DENND4A: variants seen among roughly 807,000 people sequenced by gnomAD.
DENND4A encodes C-myc promoter-binding protein.
In DENND4A, 70 loss-of-function variants were observed where a neutral mutation model predicts 199.3. That is an observed-to-expected ratio of 0.35 (90% CI 0.29 to 0.43). The LOEUF (loss-of-function observed/expected upper bound fraction) is 0.43. Among genes scored for constraint, DENND4A ranks in the 20% least tolerant of loss-of-function variants. The pLI is 1.00. For missense variants in DENND4A, 1,723 were observed against 2,255.8 expected, an observed-to-expected ratio of 0.76 and a Z score of 4.78; for synonymous variants, 686 against 766.9, an observed-to-expected ratio of 0.89 and a Z score of 1.74.
intron 11 of DENND4A, 104 bp downstream of exon 11, chr15:65,728,968 A>G: frequency 8.6e-7 from 1 of 1,161,444 alleles, no homozygotes; most frequent in Non-Finnish European, 1.3e-6. Flanking sequence ...AAGGAAAACA[A>G]TATATCTTAA....
intron 14 of DENND4A, among the ~76,000 whole-genome samples, chr15:65,709,220 G>A (rs755254557): frequency 2.6e-5 from 4 of 152,170 alleles, no homozygotes; most frequent in Non-Finnish European, 4.4e-5. Context: ...TCTTTTTAAA[G>A]TGTTACTGAT....
Position 65,668,138 on chromosome 15 carries a change from AAAG to A in DENND4A, c.4788-18_4788-16del, listed in dbSNP as rs1206490491. On this transcript the variant is annotated splice_polypyrimidine_tract_variant and intron_variant, in intron 27 of 32. Coordinates refer to ENST00000443035, the MANE Select transcript of DENND4A (RefSeq NM_001320835.1). ...GTTTAGATTTGCTTGGGAATTGAAA[AAAG>A]AAGAAAGTGTATCAGTGTCTAGATT... The A allele has an allele frequency of 1.9e-6, 3 of 1,557,024 alleles. No individual in the cohort carries two copies. Among genetic ancestry groups the A allele is most frequent in the South Asian group, 2.4e-5 (2 of 82,834 alleles).
chr15:65,665,807 G>A (rs1484249902), intron 29 of DENND4A, among the ~76,000 whole-genome samples: 1 of 152,156 alleles, frequency 6.6e-6, no homozygotes, highest in Non-Finnish European at 1.5e-5. Flanking sequence ...ATAACGCTGA[G>A]TTCACATCTT....
At chr15:65,695,825 C>T (rs1008551728) in intron 22 of DENND4A, among the ~76,000 whole-genome samples, 27 of 152,010 alleles carry the variant, frequency 1.8e-4, no homozygotes, top group African/African-American at 5.6e-4. Context: ...ATGTGACCTG[C>T]CAATCACTGA....
intron 20 of DENND4A, 148 bp from the exon 21 acceptor site, chr15:65,697,531 C>A: frequency 1.7e-6 from 1 of 583,630 alleles, no homozygotes; most frequent in Non-Finnish European, 3.0e-6. Flanking sequence ...GTTAGCTACC[C>A]TTAAAGCATT....
intron 11 of DENND4A, 126 bp from the exon 12 acceptor site, chr15:65,723,074 T>C (rs2075696000): frequency 1.4e-6 from 1 of 736,938 alleles, no homozygotes; most frequent in Non-Finnish European, 2.0e-6. Flanking sequence ...AAACAAAATA[T>C]TTGCATTAAC....
chr15:65,740,311 A>G (rs1338488682), intron 5 of DENND4A, among the ~76,000 whole-genome samples: 1 of 151,758 alleles, frequency 6.6e-6, no homozygotes, highest in Non-Finnish European at 1.5e-5. Flanking sequence ...AAAAAAAGAA[A>G]TATTGATGAG....
chr15:65,790,783 G>A lies in DENND4A; in HGVS notation c.-102+1227C>T, dbSNP rs1348339473. ...TTAAGTTTTCAGAAGTCGAATCCCA[G>A]AACCGCTATCAACATAAACTGAATA... On this transcript the variant is annotated intron_variant, in intron 1 of 32. Transcript: ENST00000443035. Among the ~76,000 whole-genome samples the A allele has an allele frequency of 2.0e-5, 3 of 152,120 alleles. No individual in the cohort carries two copies. In the East Asian group the frequency reaches 5.8e-4, roughly 29 times the overall value.
chr15:65,661,118 C>T lies in DENND4A; in HGVS notation c.*733G>A, dbSNP rs2075833439. 6.6e-6 allele frequency: 1 copy of T among 152,148 alleles called. No individual in the cohort carries two copies. Among genetic ancestry groups the T allele is most frequent in the Non-Finnish European group, 1.5e-5 (1 of 68,038 alleles). 9.4% of individuals were successfully genotyped at this position (152,148 alleles called of 1,614,324 possible). The stretch of plus-strand genomic sequence containing the variant: ...CTTGCACAAGGCTCCATGAGTCAGT[C>T]TGGGCAGTGCACGCTACCCTTGCAT... On this transcript the variant is annotated 3_prime_UTR_variant, in exon 33 of 33. Coordinates refer to ENST00000443035, the MANE Select transcript of DENND4A (RefSeq NM_001320835.1).
chr15:65,776,355 C>G (rs544782279), intron 1 of DENND4A, among the ~76,000 whole-genome samples: 1 of 152,260 alleles, frequency 6.6e-6, no homozygotes, highest in Admixed American at 6.5e-5. Flanking sequence ...TATGCAGAAG[C>G]TAATCACCTC....
intron 1 of DENND4A, among the ~76,000 whole-genome samples, chr15:65,782,793 T>G (rs2077466956): frequency 6.6e-6 from 1 of 152,234 alleles, no homozygotes; most frequent in Non-Finnish European, 1.5e-5. Context: ...ATTACATATT[T>G]GTTTAGTTGC....
At chr15:65,749,499 G>C (rs2076504086) in intron 4 of DENND4A, among the ~76,000 whole-genome samples, 1 of 152,116 alleles carries the variant, frequency 6.6e-6, no homozygotes, top group South Asian at 2.1e-4. Context: ...GTAACAGCTT[G>C]CTTGCAACAT....
At chr15:65,701,632 T>C (rs2074871033) in intron 18 of DENND4A, 130 bp downstream of exon 18, 1 of 858,070 alleles carries the variant, frequency 1.2e-6, no homozygotes, top group East Asian at 2.7e-5. Context: ...AAAGTCTTCC[T>C]TGATTGACAA....
chr15:65,782,343 A>C (rs541717138), intron 1 of DENND4A, among the ~76,000 whole-genome samples: 53 of 152,060 alleles, frequency 3.5e-4, no homozygotes, highest in Non-Finnish European at 6.0e-4. Flanking sequence ...GTCCAGCGTC[A>C]ATCTCCCAAG....
chr15:65,688,432 T>C (rs1159978541), intron 23 of DENND4A, among the ~76,000 whole-genome samples: 2 of 152,234 alleles, frequency 1.3e-5, no homozygotes, highest in Non-Finnish European at 2.9e-5. Flanking sequence ...GGACACTGAA[T>C]ATTATGTTAT....
At chr15:65,764,354 G>A (rs1239316317) in intron 1 of DENND4A, among the ~76,000 whole-genome samples, 1 of 151,992 alleles carries the variant, frequency 6.6e-6, no homozygotes, top group African/African-American at 2.4e-5. Flanking sequence ...AAATTGGCTG[G>A]GCATGGTAGC....
At chr15:65,735,356 C>T (rs1174414390) in intron 7 of DENND4A, among the ~76,000 whole-genome samples, 1 of 152,050 alleles carries the variant, frequency 6.6e-6, no homozygotes, top group Non-Finnish European at 1.5e-5. Flanking sequence ...CCAGCCTGGG[C>T]GACAGAACCA....
At chr15:65,747,101 G>GT (rs945602804) in intron 4 of DENND4A, among the ~76,000 whole-genome samples, 1 of 137,774 alleles carries the variant, frequency 7.3e-6, no homozygotes, top group Non-Finnish European at 1.6e-5. Flanking sequence ...GTGAGACTCT[G>GT]TTTAAAAAAA....
Position 65,696,425 on chromosome 15 carries a change from A to G in DENND4A, c.3023T>C (p.Ile1008Thr). ...PKLSYQNSSS[I>T]VRLTGTSNNS... ...GTTACTTGTACCAGTGAGGCGAACG[A>G]TACTGGAAGAATTTTGATAACTGAG... Residue 1008 changes from isoleucine to threonine, a missense_variant, in exon 22 of 33, where the codon ATC (isoleucine) becomes ACC (threonine). Around this residue, in one of 6 missense-constraint regions of DENND4A, gnomAD observed 650 missense variants for 738.1 expected, o/e 0.88. Transcript: ENST00000443035. 6.2e-7 allele frequency: 1 copy of G among 1,612,908 alleles called. No individual in the cohort carries two copies. Among genetic ancestry groups the G allele is most frequent in the East Asian group, 2.2e-5 (1 of 44,834 alleles).
Sources: allele counts gnomAD v4.1 joint callset (sites outside exome capture counted in the v4.1 genomes callset), GRCh38; gene constraint gnomAD v4.1.1; regional missense constraint gnomAD v4.1.1; transcripts MANE v1.5; gene names NCBI Gene and HGNC (gene_info 2026-07-23, HGNC 2026-07-21).